DTNA: variants seen among roughly 807,000 people sequenced by gnomAD.
DTNA encodes dystrobrevin alpha, also known as dystrophin-related protein 3.
In DTNA, 43 loss-of-function variants were observed where a neutral mutation model predicts 100.7. The observed-to-expected ratio is 0.43, with a 90% CI of 0.33 to 0.55. DTNA has a LOEUF of 0.55. DTNA is among the 20% of genes least tolerant of loss of function. The pLI, the probability that DTNA is intolerant of heterozygous loss-of-function variation, is 0.04. For missense variants in DTNA, 798 were observed against 953.9 expected (o/e 0.84, Z 2.15); for synonymous variants, 349 against 347.9 (o/e 1.00, Z -0.04).
intron 21 of DTNA, among the ~76,000 whole-genome samples, chr18:34,883,940 C>G (rs1233374169): frequency 2.0e-5 from 3 of 152,116 alleles, no homozygotes; most frequent in Non-Finnish European, 4.4e-5. Context: ...AGCCGTGCTC[C>G]CATGCTTCAG....
At chr18:34,645,108 C>T (rs1362604867) in intron 1 of DTNA, among the ~76,000 whole-genome samples, 2 of 152,032 alleles carry the variant, frequency 1.3e-5, no homozygotes, top group Non-Finnish European at 2.9e-5. Context: ...TTTTTCACTC[C>T]ATAGCTTTTC....
chr18:34,824,205 G>T (rs901953414), intron 9 of DTNA, among the ~76,000 whole-genome samples: 1 of 152,218 alleles, frequency 6.6e-6, no homozygotes, highest in Non-Finnish European at 1.5e-5. Flanking sequence ...GCCAGGCACA[G>T]TGGCTCACGC....
chr18:34,600,441 A>G (rs372549460), intron 1 of DTNA, among the ~76,000 whole-genome samples: 1 of 152,224 alleles, frequency 6.6e-6, no homozygotes. Flanking sequence ...TCATTCCTAT[A>G]TAGTGTGATA....
At chr18:34,680,506 C>T (rs2145462206) in intron 1 of DTNA, among the ~76,000 whole-genome samples, 1 of 152,194 alleles carries the variant, frequency 6.6e-6, no homozygotes, top group Non-Finnish European at 1.5e-5. Flanking sequence ...TTTACAATTC[C>T]AATAAAATAA....
At chr18:34,635,156 A>G (rs989008897) in intron 1 of DTNA, among the ~76,000 whole-genome samples, 1 of 152,122 alleles carries the variant, frequency 6.6e-6, no homozygotes, top group African/African-American at 2.4e-5. Flanking sequence ...ACTTAGTATA[A>G]TGTCCCTCAG....
intron 1 of DTNA, among the ~76,000 whole-genome samples, chr18:34,496,281 C>T (rs1030902841): frequency 6.7e-6 from 1 of 150,234 alleles, no homozygotes; most frequent in Non-Finnish European, 1.5e-5. Flanking sequence ...TGGGATGCTA[C>T]AGTGCAGTCC....
intron 1 of DTNA, among the ~76,000 whole-genome samples, chr18:34,588,960 C>T (rs867088815): frequency 1.4e-4 from 21 of 150,608 alleles, no homozygotes; most frequent in Middle Eastern, 3.5e-3. Flanking sequence ...ATCAAATATA[C>T]GAATTATATT....
At chr18:34,769,211 T>C (rs2093639180) in intron 3 of DTNA, among the ~76,000 whole-genome samples, 1 of 152,212 alleles carries the variant, frequency 6.6e-6, no homozygotes, top group Non-Finnish European at 1.5e-5. Context: ...AGTTTTCCTT[T>C]CTAACAATAA....
At chr18:34,680,767 C>G (rs2077991901) in intron 1 of DTNA, among the ~76,000 whole-genome samples, 1 of 152,238 alleles carries the variant, frequency 6.6e-6, no homozygotes, top group Admixed American at 6.6e-5. Context: ...ATCAATTTGC[C>G]TAGTGTAACA....
intron 1 of DTNA, among the ~76,000 whole-genome samples, chr18:34,557,158 A>G (rs1375050170): frequency 6.7e-6 from 1 of 149,616 alleles, no homozygotes; most frequent in African/African-American, 2.5e-5. Context: ...AGTTGATCGC[A>G]TTGGCTCCTG....
At chr18:34,633,340 T>C (rs2058302286) in intron 1 of DTNA, among the ~76,000 whole-genome samples, 1 of 152,116 alleles carries the variant, frequency 6.6e-6, no homozygotes, top group African/African-American at 2.4e-5. Flanking sequence ...ATATCAGACA[T>C]CAAGGAAAAC....
chr18:34,712,930 A>C (rs2083201428), intron 1 of DTNA, among the ~76,000 whole-genome samples: 1 of 152,148 alleles, frequency 6.6e-6, no homozygotes, highest in Non-Finnish European at 1.5e-5. Context: ...ATGATATTTA[A>C]ATTCCAAGAA....
At chr18:34,584,929 G>A (rs1335411232) in intron 1 of DTNA, among the ~76,000 whole-genome samples, 1 of 152,066 alleles carries the variant, frequency 6.6e-6, no homozygotes, top group Non-Finnish European at 1.5e-5. Context: ...AACACTGGAA[G>A]CTAAAAGACA....
upstream of DTNA, among the ~76,000 whole-genome samples, chr18:34,706,935 G>A (rs745797311): frequency 6.6e-6 from 1 of 152,080 alleles, no homozygotes; most frequent in Non-Finnish European, 1.5e-5. Flanking sequence ...TTTTGTTGCT[G>A]TCAACACACT....
At chr18:34,550,144 T>C (rs2045248469) in intron 1 of DTNA, among the ~76,000 whole-genome samples, 1 of 152,136 alleles carries the variant, frequency 6.6e-6, no homozygotes, top group East Asian at 1.9e-4. Context: ...GTGTACAACC[T>C]CAGTTGGATT....
At chr18:34,716,287 C>A (rs1054184740) in intron 1 of DTNA, among the ~76,000 whole-genome samples, 1 of 152,154 alleles carries the variant, frequency 6.6e-6, no homozygotes, top group Non-Finnish European at 1.5e-5. Flanking sequence ...GTCGGCCGGG[C>A]ACCGTGGCTC....
At chr18:34,712,101 G>T (rs1175701923) in intron 1 of DTNA, among the ~76,000 whole-genome samples, 1 of 151,970 alleles carries the variant, frequency 6.6e-6, no homozygotes, top group East Asian at 1.9e-4. Flanking sequence ...AATATCTGAG[G>T]TAGAAAGTGT....
intron 1 of DTNA, among the ~76,000 whole-genome samples, chr18:34,536,034 C>T (rs73426104): frequency 0.015 from 2,346 of 152,106 alleles, 56 homozygotes; most frequent in African/African-American, 0.054. Flanking sequence ...TAAATACACA[C>T]ACATACATAA....
intron 12 of DTNA, among the ~76,000 whole-genome samples, chr18:34,838,496 G>A (rs941469114): frequency 3.3e-5 from 5 of 152,164 alleles, no homozygotes; most frequent in African/African-American, 1.2e-4. Flanking sequence ...GTTGAAAAAT[G>A]TAAATCTGTT....
Sources: gnomAD v4.1 joint callset for allele counts (sites outside exome capture counted in the v4.1 genomes callset) on GRCh38, gnomAD v4.1.1 for gene constraint, MANE v1.5 for transcripts, NCBI Gene and HGNC (gene_info 2026-07-23, HGNC 2026-07-21) for gene names.